CSTPP1: variants seen among roughly 807,000 people sequenced by gnomAD.
CSTPP1 encodes the protein centriolar satellite-associated tubulin polyglutamylase complex regulator 1, also known as UPF0705 protein C11orf49.
At chr11:47,078,326 G>A in the CSTPP1 span, among the ~76,000 whole-genome samples, 4 of 152,202 alleles carry the variant, frequency 2.6e-5, no homozygotes, top group African/African-American at 9.6e-5. Context: ...CGTTGAAGGA[G>A]TTACTGAGTG....
the CSTPP1 span, chr11:47,161,694 G>C: frequency 4.5e-6 from 7 of 1,540,722 alleles, no homozygotes; most frequent in Non-Finnish European, 6.1e-6. Context: ...CCAGCCCTTG[G>C]TGTGCCCACC....
chr11:46,964,289 C>CTT, the CSTPP1 span, among the ~76,000 whole-genome samples: 3 of 141,862 alleles, frequency 2.1e-5, no homozygotes, highest in East Asian at 2.0e-4. Context: ...CTCTCTCTCT[C>CTT]TTTTTTTTTT....
chr11:46,945,453 A>G, the CSTPP1 span, among the ~76,000 whole-genome samples: 2 of 151,950 alleles, frequency 1.3e-5, no homozygotes, highest in Non-Finnish European at 2.9e-5. Context: ...TGTCTCTACT[A>G]AAAATATGAA....
the CSTPP1 span, chr11:47,161,036 C>A: frequency 6.5e-7 from 1 of 1,537,716 alleles, no homozygotes; most frequent in Non-Finnish European, 9.0e-7. Context: ...GTCAGCAGAA[C>A]AGGCAGCCGT....
chr11:46,948,031 C>T, the CSTPP1 span: 20 of 456,004 alleles, frequency 4.4e-5, no homozygotes, highest in Non-Finnish European at 7.9e-5. Flanking sequence ...AATAGGCATG[C>T]TTGAAACAAT....
chr11:47,099,190 C>T, the CSTPP1 span, among the ~76,000 whole-genome samples: 1 of 152,182 alleles, frequency 6.6e-6, no homozygotes, highest in South Asian at 2.1e-4. Flanking sequence ...TTATCTTAAA[C>T]ACTTAACTTT....
At chr11:47,124,114 C>T in the CSTPP1 span, among the ~76,000 whole-genome samples, 58 of 63,204 alleles carry the variant, frequency 9.2e-4, no homozygotes, top group South Asian at 1.8e-3. Context: ...AATGGTCTTA[C>T]TTTTTTTTTT....
chr11:46,963,539 G>A, the CSTPP1 span, among the ~76,000 whole-genome samples: 13 of 151,814 alleles, frequency 8.6e-5, no homozygotes, highest in South Asian at 4.2e-4. Flanking sequence ...GGGGCCGGGC[G>A]CGAGAAGGCC....
chr11:47,013,174 A>G, the CSTPP1 span, among the ~76,000 whole-genome samples: 1 of 148,350 alleles, frequency 6.7e-6, no homozygotes, highest in Non-Finnish European at 1.5e-5. Flanking sequence ...GTTATTATAT[A>G]TAACATATAT....
At chr11:47,053,615 G>T in the CSTPP1 span, among the ~76,000 whole-genome samples, 1 of 145,602 alleles carries the variant, frequency 6.9e-6, no homozygotes, top group South Asian at 2.2e-4. Flanking sequence ...GCAAGACTCT[G>T]CCTCAAAAAA....
the CSTPP1 span, among the ~76,000 whole-genome samples, chr11:47,115,486 T>C: frequency 3.3e-5 from 5 of 152,156 alleles, no homozygotes; most frequent in African/African-American, 1.2e-4. Context: ...ATTATTTCCT[T>C]AATTTCAGAG....
At chr11:46,947,290 T>C in the CSTPP1 span, among the ~76,000 whole-genome samples, 2 of 152,230 alleles carry the variant, frequency 1.3e-5, no homozygotes, top group Non-Finnish European at 2.9e-5. Flanking sequence ...TGGGTCCTCT[T>C]TCTGTGTTGG....
the CSTPP1 span, among the ~76,000 whole-genome samples, chr11:47,062,244 CTTGT>C: frequency 6.6e-6 from 1 of 152,030 alleles, no homozygotes; most frequent in Non-Finnish European, 1.5e-5. Context: ...GTACAGGAAC[CTTGT>C]TTGTTTTGCC....
At chr11:46,984,765 G>A in the CSTPP1 span, among the ~76,000 whole-genome samples, 1 of 151,376 alleles carries the variant, frequency 6.6e-6, no homozygotes, top group Non-Finnish European at 1.5e-5. Context: ...AAAAAATCCT[G>A]TGCTAGCCTT....
the CSTPP1 span, among the ~76,000 whole-genome samples, chr11:46,949,698 C>T: frequency 3.6e-5 from 5 of 139,106 alleles, no homozygotes; most frequent in African/African-American, 7.8e-5. Context: ...GACAGAGTTT[C>T]GCTCCATCAC....
At chr11:47,041,258 A>C in the CSTPP1 span, 7 of 256,324 alleles carry the variant, frequency 2.7e-5, 1 homozygote, top group South Asian at 2.4e-4. Flanking sequence ...TGTATGTGTC[A>C]ATCTTGTACT....
the CSTPP1 span, among the ~76,000 whole-genome samples, chr11:47,133,753 A>G: frequency 6.6e-6 from 1 of 152,240 alleles, no homozygotes; most frequent in South Asian, 2.1e-4. Context: ...GATAAGATCA[A>G]GGTGCTGACA....
the CSTPP1 span, among the ~76,000 whole-genome samples, chr11:47,141,932 CAA>C: frequency 0.13 from 4,911 of 37,418 alleles, 46 homozygotes; most frequent in East Asian, 0.14. Flanking sequence ...GACTCTGTCT[CAA>C]AAAAAAAAAA....
chr11:47,011,054 A>G, the CSTPP1 span, among the ~76,000 whole-genome samples: 1 of 152,182 alleles, frequency 6.6e-6, no homozygotes, highest in African/African-American at 2.4e-5. Context: ...GAAATATTTG[A>G]GATAAAGGAA....
Sources: allele counts gnomAD v4.1 joint callset (sites outside exome capture counted in the v4.1 genomes callset), GRCh38; gene constraint gnomAD v4.1.1; transcripts MANE v1.5; gene names NCBI Gene and HGNC (gene_info 2026-07-23, HGNC 2026-07-21).